Variants in PTPRQ observed in about 807,000 individuals in gnomAD.
PTPRQ encodes the protein protein tyrosine phosphatase receptor type Q.
In PTPRQ, 199 loss-of-function variants were observed where a neutral mutation model predicts 246.0. The ratio of observed to expected loss-of-function variants is 0.81; its 90% CI spans 0.72 to 0.91. The LOEUF (loss-of-function observed/expected upper bound fraction) is 0.91, where lower values mean the gene tolerates loss of function less well. Ranked by LOEUF, PTPRQ falls within the 40% of genes least tolerant of loss-of-function variation. PTPRQ has a pLI of 0.00. For synonymous variants in PTPRQ, 869 were observed against 853.2 expected (o/e 1.02, Z -0.32); for missense variants, 2,624 against 2,528.4 (o/e 1.04, Z -0.81).
chr12:80,630,637 A>G (rs890517968), intron 33 of PTPRQ, among the ~76,000 whole-genome samples: 1 of 152,146 alleles, frequency 6.6e-6, no homozygotes, highest in African/African-American at 2.4e-5. Flanking sequence ...CCAATTCCCC[A>G]TTAACTTTCC....
At position 80,448,397 on chromosome 12, in the gene PTPRQ, A is replaced by G. The variant is rs149048383; in HGVS notation, c.390+2680A>G. ...TGCCTTTTTAAAATTATTGTACTTTAAGTTTTAGGGTACATGTGCACAATG... is the reference window on the plus strand; with the variant it reads ...TGCCTTTTTAAAATTATTGTACTTTGAGTTTTAGGGTACATGTGCACAATG... On this transcript the variant is annotated intron_variant, in intron 3 of 44. Coordinates refer to ENST00000644991, the MANE Select transcript of PTPRQ (RefSeq NM_001145026.2). 2.9e-3 allele frequency among the ~76,000 whole-genome samples: 439 copies of G among 152,246 alleles called. 18 individuals carry two copies. In the East Asian group the frequency reaches 0.069, roughly 24 times the overall value.
In PTPRQ at chr12:80,451,314, C is replaced by T. The variant is rs1298624331; in HGVS notation, c.390+5597C>T. 2.4e-5 allele frequency among the ~76,000 whole-genome samples: 3 copies of T among 127,412 alleles called. No homozygotes were observed. The East Asian group carries it at 6.8e-4, about 29-fold the overall frequency. 83.6% of individuals were successfully genotyped at this position (127,412 alleles called of 152,430 possible). ...CTAGCGGTCTGTCAATTTTGTTGAT[C>T]CTTTCAAAAAACCAGCTCCTGGATT... On this transcript the variant is annotated intron_variant, in intron 3 of 44. Coordinates refer to ENST00000644991, the MANE Select transcript of PTPRQ (RefSeq NM_001145026.2).
chr12:80,673,553 T>TA (rs1237375697), intron 43 of PTPRQ, among the ~76,000 whole-genome samples: 1 of 152,152 alleles, frequency 6.6e-6, no homozygotes, highest in East Asian at 1.9e-4. Context: ...CTGATAGGCA[T>TA]GTAGGCAGTA....
intron 19 of PTPRQ, among the ~76,000 whole-genome samples, chr12:80,535,278 A>T (rs1895953724): frequency 6.6e-6 from 1 of 152,122 alleles, no homozygotes; most frequent in Admixed American, 6.6e-5. Context: ...CACATGTATT[A>T]AAAATAGTGA....
intron 25 of PTPRQ, chr12:80,584,206 T>G (rs1392286731): frequency 6.6e-6 from 1 of 152,120 alleles, no homozygotes; most frequent in African/African-American, 2.4e-5. Context: ...AGTGGAAGAA[T>G]CTGTTTTTGT....
chr12:80,596,395 CAAAG>C (rs1158011625), intron 26 of PTPRQ, among the ~76,000 whole-genome samples: 1 of 151,214 alleles, frequency 6.6e-6, no homozygotes, highest in Admixed American at 6.6e-5. Context: ...AAAAATCAAA[CAAAG>C]AAAAGTGTAA....
At position 80,679,752 on chromosome 12, in the gene PTPRQ, T is replaced by A. The variant is rs571068056; in HGVS notation, c.*729T>A. On this transcript the variant is annotated 3_prime_UTR_variant, in exon 45 of 45. Coordinates refer to ENST00000644991, the MANE Select transcript of PTPRQ (RefSeq NM_001145026.2). ...ACATTTGTAAACTTTAAAACACAAG[T>A]TTTACCCCCTGTATTGTATATTCAA... is the stretch of plus-strand genomic sequence containing the variant. The A allele has an allele frequency of 5.3e-5, 8 of 152,100 alleles. No individual in the cohort carries two copies. In the South Asian group the frequency reaches 1.7e-3, roughly 32 times the overall value. 9.4% of individuals were successfully genotyped at this position (152,100 alleles called of 1,614,324 possible).
chr12:80,494,158 T>C (rs1235480723), intron 10 of PTPRQ, among the ~76,000 whole-genome samples: 1 of 152,092 alleles, frequency 6.6e-6, no homozygotes, highest in African/African-American at 2.4e-5. Flanking sequence ...AATAGATGTT[T>C]ATATTTCACT....
At chr12:80,512,171 G>T (rs1253916362) in intron 17 of PTPRQ, among the ~76,000 whole-genome samples, 19 of 152,162 alleles carry the variant, frequency 1.2e-4, no homozygotes, top group Admixed American at 1.2e-3. Context: ...GAATTTGATG[G>T]CATTGATTAA....
At chr12:80,600,979 G>T (rs895430974) in intron 26 of PTPRQ, among the ~76,000 whole-genome samples, 1 of 151,644 alleles carries the variant, frequency 6.6e-6, no homozygotes, top group Non-Finnish European at 1.5e-5. Flanking sequence ...CTGCCTCAGG[G>T]TCTTCACGCT....
intron 25 of PTPRQ, among the ~76,000 whole-genome samples, chr12:80,561,716 A>G (rs1258873422): frequency 6.6e-6 from 1 of 151,990 alleles, no homozygotes; most frequent in Non-Finnish European, 1.5e-5. Flanking sequence ...TGCGTAGAAA[A>G]TCATGCCATT....
At chr12:80,507,397 A>C (rs1264580405) in intron 16 of PTPRQ, among the ~76,000 whole-genome samples, 1 of 151,962 alleles carries the variant, frequency 6.6e-6, no homozygotes, top group African/African-American at 2.4e-5. Context: ...CAAGAAGGGT[A>C]GGCCTGGAAG....
At chr12:80,593,021 T>A (rs1435118250) in intron 26 of PTPRQ, among the ~76,000 whole-genome samples, 1 of 151,864 alleles carries the variant, frequency 6.6e-6, no homozygotes, top group Non-Finnish European at 1.5e-5. Context: ...AAAAATAAAA[T>A]AAAAATGCAA....
chr12:80,613,387 C>T (rs1298639387), intron 28 of PTPRQ, among the ~76,000 whole-genome samples: 1 of 150,548 alleles, frequency 6.6e-6, no homozygotes, highest in African/African-American at 2.4e-5. Context: ...ATAAAACAAA[C>T]AAACTGGATC....
intron 25 of PTPRQ, among the ~76,000 whole-genome samples, chr12:80,557,400 G>A (rs573554766): frequency 6.6e-6 from 1 of 151,432 alleles, no homozygotes; most frequent in Admixed American, 6.6e-5. Context: ...TGGGGACAGA[G>A]ATTTTTCTTG....
intron 14 of PTPRQ, among the ~76,000 whole-genome samples, chr12:80,497,266 C>G (rs1484121009): frequency 1.3e-5 from 2 of 151,710 alleles, no homozygotes; most frequent in East Asian, 3.9e-4. Context: ...ATGGTCCTAT[C>G]TGGGGGGTAA....
chr12:80,618,360 T>TCACACACACACACACA (rs3071377), intron 30 of PTPRQ, among the ~76,000 whole-genome samples: 2 of 125,534 alleles, frequency 1.6e-5, no homozygotes, highest in African/African-American at 5.6e-5. Flanking sequence ...AGCACTACAT[T>TCACACACACACACACA]CACACACACA....
At position 80,613,681 on chromosome 12, in the gene PTPRQ, C is replaced by G; in HGVS notation, c.5008C>G (p.Pro1670Ala). The G allele has an allele frequency of 1.3e-6, 2 of 1,546,126 alleles. No individual in the cohort carries two copies. The highest frequency in any genetic ancestry group is 2.0e-5 in the Admixed American group (1 of 50,716). ...ATTAACGTTCCTTCCTCCTTCTCAA[C>G]CTAATGGAAATATCCAAGTATATCA... Reference protein sequence around the residue: ...FQLTFLPPSQPNGNIQVYQAL... With the variant: ...FQLTFLPPSQANGNIQVYQAL... Residue 1670 changes from proline (P) to alanine (A), a missense_variant, in exon 29 of 45, where the codon CCT (proline) becomes GCT (alanine). Pro to Ala is a conservative substitution (Grantham distance 27, BLOSUM62 -1). Transcript: ENST00000644991.
chr12:80,666,492 C>T (rs1198352236), intron 39 of PTPRQ, among the ~76,000 whole-genome samples: 1 of 151,942 alleles, frequency 6.6e-6, no homozygotes, highest in Non-Finnish European at 1.5e-5. Flanking sequence ...GTGTCTATAG[C>T]TCTGTAGTGT....
Sources: gnomAD v4.1 joint callset for allele counts (sites outside exome capture counted in the v4.1 genomes callset) on GRCh38, gnomAD v4.1.1 for gene constraint, MANE v1.5 for transcripts, NCBI Gene and HGNC (gene_info 2026-07-23, HGNC 2026-07-21) for gene names.